Variants in HLCS observed in about 807,000 individuals in gnomAD.
The protein encoded by HLCS is holocarboxylase synthetase, also known as biotin--protein ligase.
Under a neutral mutation model 75.0 loss-of-function variants are expected in HLCS, and 53 were observed. That is an observed-to-expected ratio of 0.71 (90% CI 0.57 to 0.89). HLCS has a LOEUF of 0.89. Ranked by LOEUF, HLCS falls within the 40% of genes least tolerant of loss-of-function variation. The pLI is 0.00. For missense variants in HLCS, 966 were observed against 1,074.0 expected, an observed-to-expected ratio of 0.90 and a Z score of 1.41; for synonymous variants, 431 against 428.6, an observed-to-expected ratio of 1.01 and a Z score of -0.07.
chr21:36,923,755 C>T (rs943372316), intron 5 of HLCS, among the ~76,000 whole-genome samples: 8 of 152,144 alleles, frequency 5.3e-5, no homozygotes, highest in African/African-American at 1.9e-4. Context: ...GAAAACCCCC[C>T]AAGTATGATT....
chr21:36,755,359 G>C (rs1324609131), intron 10 of HLCS, among the ~76,000 whole-genome samples: 2 of 151,068 alleles, frequency 1.3e-5, no homozygotes, highest in African/African-American at 4.9e-5. Flanking sequence ...AGCTATGATG[G>C]CACCACTGCA....
chr21:36,833,579 T>G (rs937659629), intron 6 of HLCS, among the ~76,000 whole-genome samples: 3 of 121,318 alleles, frequency 2.5e-5, no homozygotes, highest in African/African-American at 1.1e-4. Context: ...AGTTGGAGAC[T>G]GTCTAAAAAA....
At chr21:36,871,866 T>C (rs543632701) in intron 6 of HLCS, among the ~76,000 whole-genome samples, 3 of 152,244 alleles carry the variant, frequency 2.0e-5, no homozygotes, top group South Asian at 4.1e-4. Flanking sequence ...AGCAGTGTAA[T>C]AGGTACAATA....
chr21:36,947,271 C>T, intron 2 of HLCS: 1 of 810,964 alleles, frequency 1.2e-6, no homozygotes, highest in Non-Finnish European at 1.5e-6. Flanking sequence ...ACCGGAAGAG[C>T]CCAAAGAATA....
intron 2 of HLCS, among the ~76,000 whole-genome samples, chr21:36,956,592 T>C (rs1176654283): frequency 6.6e-6 from 1 of 151,432 alleles, no homozygotes; most frequent in East Asian, 1.9e-4. Flanking sequence ...TAGCCGGGTG[T>C]GGTGGTGGGC....
intron 2 of HLCS, among the ~76,000 whole-genome samples, chr21:36,953,030 G>T (rs533257995): frequency 2.0e-5 from 3 of 152,154 alleles, no homozygotes; most frequent in Admixed American, 6.5e-5. Flanking sequence ...AGTGACCAAG[G>T]GGGCTATGTG....
In HLCS at chr21:36,754,204, C is replaced by T. The variant is rs765675311; in HGVS notation, c.*42G>A. 2.9e-5 allele frequency: 47 copies of T among 1,596,928 alleles called. No homozygotes were observed. Among genetic ancestry groups the T allele is most frequent in the East Asian group, 4.5e-5 (2 of 44,764 alleles). ...CAACTCTAAATTAGATTTCCAGATG[C>T]ATGGGCACGGACAGGCAGCCGCGTC... On this transcript the variant is annotated 3_prime_UTR_variant, in exon 11 of 11. Coordinates refer to ENST00000674895, the MANE Select transcript of HLCS (RefSeq NM_001352514.2).
chr21:36,831,563 G>A (rs1366729088), intron 6 of HLCS, among the ~76,000 whole-genome samples: 3 of 152,078 alleles, frequency 2.0e-5, no homozygotes, highest in Non-Finnish European at 2.9e-5. Flanking sequence ...TGCACCTGTA[G>A]TCCCAGCTAC....
At chr21:36,911,748 CAAAA>C (rs11287408) in intron 5 of HLCS, among the ~76,000 whole-genome samples, 2 of 47,828 alleles carry the variant, frequency 4.2e-5, no homozygotes, top group Non-Finnish European at 6.9e-5. Context: ...GACTCCGTCT[CAAAA>C]AAAAAAAAAA....
At chr21:36,775,536 T>A (rs2060330363) in intron 6 of HLCS, among the ~76,000 whole-genome samples, 1 of 152,222 alleles carries the variant, frequency 6.6e-6, no homozygotes, top group African/African-American at 2.4e-5. Context: ...ACCTCAGCGG[T>A]AGCCCTGATG....
rs117552123 is a variant in HLCS, at chr21:36,990,132, T to C, written c.-393+26A>G. The C allele has an allele frequency of 0.26, 39,765 of 152,616 alleles. 5,319 individuals are homozygous for C. Among genetic ancestry groups the C allele is most frequent in the South Asian group, 0.36 (1,795 of 5,030 alleles). 9.5% of individuals were successfully genotyped at this position (152,616 alleles called of 1,614,324 possible). A position where few individuals can be genotyped will look rare whatever the true frequency, so the allele number is the denominator to read the frequency against. On this transcript the variant is annotated intron_variant, in intron 1 of 11. Coordinates refer to the HLCS transcript ENST00000336648. ...CGCCCCCGGCGAACGCCCACCCCTGTCCCGGCCCGCAGCGCCCCGACTTAC... is the reference window on the plus strand; with the variant it reads ...CGCCCCCGGCGAACGCCCACCCCTGCCCCGGCCCGCAGCGCCCCGACTTAC...
intron 6 of HLCS, among the ~76,000 whole-genome samples, chr21:36,781,259 CAAAA>C (rs34115036): frequency 8.8e-6 from 1 of 114,068 alleles, no homozygotes. Flanking sequence ...AACTCTGTCT[CAAAA>C]AAAAAAAAAA....
At chr21:36,840,550 A>G (rs1192939235) in intron 6 of HLCS, among the ~76,000 whole-genome samples, 1 of 152,198 alleles carries the variant, frequency 6.6e-6, no homozygotes, top group African/African-American at 2.4e-5. Flanking sequence ...CATTATAAAG[A>G]TTATAAAGTA....
At chr21:36,910,656 G>C (rs1332572896) in intron 5 of HLCS, among the ~76,000 whole-genome samples, 1 of 151,968 alleles carries the variant, frequency 6.6e-6, no homozygotes, top group Non-Finnish European at 1.5e-5. Context: ...TATTCAGCGT[G>C]CCAGTACCAA....
In HLCS at chr21:36,755,705, G is replaced by A. The variant is rs576594617; in HGVS notation, c.2450+837C>T. ...ACCTTCTTTTGGTCTAATTGTTTGT[G>A]CGCAGACCTGACATTTTTGCAGGGC... On this transcript the variant is annotated intron_variant, in intron 10 of 10. Transcript: ENST00000674895. 3.3e-5 allele frequency among the ~76,000 whole-genome samples: 5 copies of A among 152,300 alleles called. No homozygotes were observed. In the South Asian group the frequency reaches 1.0e-3, roughly 32 times the overall value.
intron 2 of HLCS, among the ~76,000 whole-genome samples, chr21:36,957,711 G>A (rs981642131): frequency 1.7e-4 from 26 of 152,032 alleles, no homozygotes; most frequent in Admixed American, 1.5e-3. Context: ...AGAGGCAGGC[G>A]GATCACGAGG....
intron 1 of HLCS, among the ~76,000 whole-genome samples, chr21:36,965,336 TTAA>T (rs1484827355): frequency 2.0e-5 from 3 of 152,230 alleles, no homozygotes; most frequent in South Asian, 2.1e-4. Context: ...CGTTTAAATA[TTAA>T]TGAGAACAAT....
chr21:36,886,432 C>CAAA (rs11297170), intron 6 of HLCS, among the ~76,000 whole-genome samples: 38 of 66,846 alleles, frequency 5.7e-4, no homozygotes, highest in Non-Finnish European at 7.4e-4. Context: ...GACTCCATCT[C>CAAA]AAAAAAAAAA....
At chr21:36,813,299 C>T (rs766502504) in intron 6 of HLCS, among the ~76,000 whole-genome samples, 2 of 152,160 alleles carry the variant, frequency 1.3e-5, no homozygotes, top group African/African-American at 2.4e-5. Context: ...ATTTCTTCCA[C>T]GTCATAATTT....
Sources: allele counts gnomAD v4.1 joint callset (sites outside exome capture counted in the v4.1 genomes callset), GRCh38; gene constraint gnomAD v4.1.1; transcripts MANE v1.5; gene names NCBI Gene and HGNC (gene_info 2026-07-23, HGNC 2026-07-21).